The following CSMD1 variants were observed in gnomAD, a reference collection of about 807,000 sequenced individuals.
CSMD1 encodes the protein CUB and sushi domain-containing protein 1.
A neutral mutation model predicts 417.5 loss-of-function variants in CSMD1; 213 were observed. The observed-to-expected ratio is 0.51, with a 90% CI of 0.46 to 0.57. CSMD1 has a LOEUF of 0.57. CSMD1 is among the 20% of genes least tolerant of loss of function. The probability of loss-of-function intolerance (pLI) is 0.00; values close to 1 mark genes in which losing one functional copy is unlikely to be tolerated. For missense variants in CSMD1, 6,923 were observed against 4,529.7 expected (o/e 1.53, Z -15.17); for synonymous variants, 2,862 against 1,736.8 (o/e 1.65, Z -16.11).
chr8:3,702,453 T>C (rs543243325), intron 7 of CSMD1, among the ~76,000 whole-genome samples: 2 of 152,210 alleles, frequency 1.3e-5, no homozygotes, highest in Admixed American at 6.5e-5. Context: ...AATCCTCACA[T>C]TGAGAGCTGC....
chr8:4,864,412 C>T (rs1005046321), intron 1 of CSMD1, among the ~76,000 whole-genome samples: 25 of 151,770 alleles, frequency 1.6e-4, no homozygotes, highest in Admixed American at 1.6e-3. Flanking sequence ...ATATCACTTC[C>T]TTACTTTACT....
chr8:4,590,047 C>A (rs528101586), intron 2 of CSMD1, among the ~76,000 whole-genome samples: 1 of 152,266 alleles, frequency 6.6e-6, no homozygotes, highest in African/African-American at 2.4e-5. Flanking sequence ...AACAATATTA[C>A]ATTTATTTAT....
intron 1 of CSMD1, among the ~76,000 whole-genome samples, chr8:4,834,675 G>C (rs1033455308): frequency 6.6e-6 from 1 of 151,670 alleles, no homozygotes; most frequent in Non-Finnish European, 1.5e-5. Context: ...GAAAAAAAAA[G>C]GCCAGGTGCG....
chr8:4,763,496 T>C (rs138161515), intron 1 of CSMD1, among the ~76,000 whole-genome samples: 82 of 152,318 alleles, frequency 5.4e-4, no homozygotes, highest in African/African-American at 1.9e-3. Context: ...CAATAATTTA[T>C]TGATGACTTC....
chr8:3,565,170 C>CAAAAAA (rs1799647390), intron 10 of CSMD1, among the ~76,000 whole-genome samples: 2 of 86,310 alleles, frequency 2.3e-5, no homozygotes, highest in East Asian at 4.1e-4. Context: ...AGAGAGAGAT[C>CAAAAAA]AAGAAAGAAA....
intron 3 of CSMD1, among the ~76,000 whole-genome samples, chr8:4,251,017 C>G (rs1002490495): frequency 2.6e-5 from 4 of 152,132 alleles, no homozygotes; most frequent in Non-Finnish European, 5.9e-5. Context: ...TAATGACAAG[C>G]ATATTTTTAG....
At chr8:3,487,411 C>G (rs1260452063) in intron 11 of CSMD1, among the ~76,000 whole-genome samples, 1 of 152,132 alleles carries the variant, frequency 6.6e-6, no homozygotes, top group East Asian at 1.9e-4. Flanking sequence ...CCATGTTAGC[C>G]AGGATGGTCT....
At chr8:4,409,838 G>C (rs1796551281) in intron 3 of CSMD1, among the ~76,000 whole-genome samples, 1 of 152,068 alleles carries the variant, frequency 6.6e-6, no homozygotes. Flanking sequence ...CTTTGAGACA[G>C]AGTCTCACTC....
rs1799809184 is a variant in CSMD1, at chr8:4,461,415, A to ATTTTTATCTTCTT, written c.303-41351_303-41350insAAGAAGATAAAAA. Among the ~76,000 whole-genome samples the ATTTTTATCTTCTT allele has an allele frequency of 1.3e-5, 2 of 151,990 alleles. 1 individual carries two copies. The highest frequency in any genetic ancestry group is 4.8e-5 in the African/African-American group (2 of 41,266). On this transcript the variant is annotated intron_variant, in intron 2 of 69. Coordinates refer to ENST00000635120, the MANE Select transcript of CSMD1 (RefSeq NM_033225.6). ...AAAGATAGGTAAAGAAGATAAAAAT[A>ATTTTTATCTTCTT]TAACTATTTACAAATCACATGATCT...
At chr8:2,951,735 C>T (rs569137626) in intron 65 of CSMD1, among the ~76,000 whole-genome samples, 1 of 152,138 alleles carries the variant, frequency 6.6e-6, no homozygotes, top group African/African-American at 2.4e-5. Context: ...GAGCAATGCC[C>T]TGTCTCGAAA....
At chr8:4,403,603 G>C (rs947382723) in intron 3 of CSMD1, among the ~76,000 whole-genome samples, 8 of 152,108 alleles carry the variant, frequency 5.3e-5, no homozygotes, top group Non-Finnish European at 1.0e-4. Flanking sequence ...ACACTCCTAA[G>C]AACTCCCCCT....
rs531881534 is a variant in CSMD1, at chr8:4,309,961, T to A, written c.415+109992A>T. On this transcript the variant is annotated intron_variant, in intron 3 of 69. Transcript: ENST00000635120. ...ATAGTCGATTATAGTTACCCCTATT[T>A]TTACATAGTGCTTTATTTTCACACC... Among the ~76,000 whole-genome samples, 62 of 152,294 alleles carry A rather than the reference T, an allele frequency of 4.1e-4. 1 individual carries two copies. Among genetic ancestry groups the A allele is most frequent in the Admixed American group, 1.3e-3 (20 of 15,288 alleles).
chr8:4,301,861 C>A (rs1443174570), intron 3 of CSMD1, among the ~76,000 whole-genome samples: 1 of 128,864 alleles, frequency 7.8e-6, no homozygotes, highest in African/African-American at 3.1e-5. Flanking sequence ...CATTCTTCTG[C>A]CCAAGCTTCA....
intron 1 of CSMD1, among the ~76,000 whole-genome samples, chr8:4,740,472 G>A (rs1283482642): frequency 6.6e-6 from 1 of 152,152 alleles, no homozygotes; most frequent in Non-Finnish European, 1.5e-5. Context: ...AGGCTGGGAT[G>A]TGTTTAGAGG....
At chr8:3,632,489 A>G (rs1796834770) in intron 7 of CSMD1, among the ~76,000 whole-genome samples, 1 of 152,192 alleles carries the variant, frequency 6.6e-6, no homozygotes, top group African/African-American at 2.4e-5. Context: ...ACATGTCATG[A>G]TAAAACCTTA....
intron 5 of CSMD1, among the ~76,000 whole-genome samples, chr8:3,944,221 G>A (rs899866822): frequency 3.9e-5 from 6 of 152,128 alleles, no homozygotes; most frequent in East Asian, 1.9e-4. Context: ...TAAGAAAACT[G>A]TCTCTCAGGC....
intron 11 of CSMD1, among the ~76,000 whole-genome samples, chr8:3,476,889 A>G (rs34936644): frequency 0.75 from 109,776 of 145,806 alleles, 41,748 homozygotes; most frequent in East Asian, 0.88. Context: ...CTGCACCCTG[A>G]GCAACAGAGC....
At chr8:4,150,888 CCT>C (rs1796536810) in intron 3 of CSMD1, among the ~76,000 whole-genome samples, 1 of 2,654 alleles carries the variant, frequency 3.8e-4, no homozygotes, top group Non-Finnish European at 1.7e-3. Context: ...CTGAGAAACG[CCT>C]GAGAAAGAGC....
intron 5 of CSMD1, among the ~76,000 whole-genome samples, chr8:3,804,113 G>A (rs1024482472): frequency 6.6e-6 from 1 of 151,880 alleles, no homozygotes; most frequent in Admixed American, 6.6e-5. Context: ...TATATTTTTA[G>A]TAGAGACAGG....
Sources: gnomAD v4.1 joint callset for allele counts (sites outside exome capture counted in the v4.1 genomes callset) on GRCh38, gnomAD v4.1.1 for gene constraint, MANE v1.5 for transcripts, NCBI Gene and HGNC (gene_info 2026-07-23, HGNC 2026-07-21) for gene names.